Variants in CAMKMT observed in about 807,000 individuals in gnomAD.
CAMKMT encodes CaM KMT.
In CAMKMT, 53 loss-of-function variants were observed where a neutral mutation model predicts 48.0. That is an observed-to-expected ratio of 1.10 (90% CI 0.89 to 1.39). The LOEUF (loss-of-function observed/expected upper bound fraction) is 1.39, where lower values mean the gene tolerates loss of function less well. Ranked by LOEUF, CAMKMT falls within the 40% of genes most tolerant of loss-of-function variation. The pLI, the probability that CAMKMT is intolerant of heterozygous loss-of-function variation, is 0.00. For synonymous variants in CAMKMT, 165 were observed against 152.3 expected (o/e 1.08, Z -0.61); for missense variants, 428 against 402.7 (o/e 1.06, Z -0.54).
Position 44,715,178 on chromosome 2 carries a change from G to A in CAMKMT, c.557-109G>A, listed in dbSNP as rs558436296. On this transcript the variant is annotated intron_variant, in intron 6 of 10. Transcript: ENST00000378494. ...ACTGCACTCCAGCCTGGGCAACAGA[G>A]CGAGACCCTGTCTCAAAAAAAAAAA... 1.1e-3 allele frequency: 763 copies of A among 676,008 alleles called. 2 individuals are homozygous for A. In the African/African-American group the frequency reaches 0.013, roughly 11 times the overall value. The allele number at this position is 676,008 out of a possible 1,614,324, so 41.9% of individuals were successfully genotyped here.
At chr2:44,700,689 A>G (rs1281422791) in intron 3 of CAMKMT, among the ~76,000 whole-genome samples, 2 of 152,200 alleles carry the variant, frequency 1.3e-5, no homozygotes, top group Admixed American at 1.3e-4. Flanking sequence ...CCATAGTAAC[A>G]TCAAAGGTCA....
At chr2:44,382,757 G>T (rs1023834792) in intron 2 of CAMKMT, among the ~76,000 whole-genome samples, 11 of 152,204 alleles carry the variant, frequency 7.2e-5, no homozygotes, top group Non-Finnish European at 1.5e-4. Flanking sequence ...GGGATTACAG[G>T]CGTGAGCCAC....
intron 3 of CAMKMT, among the ~76,000 whole-genome samples, chr2:44,667,707 C>G (rs1005701322): frequency 6.6e-6 from 1 of 152,188 alleles, no homozygotes; most frequent in African/African-American, 2.4e-5. Context: ...AATAACCACA[C>G]CACCTCTGAA....
At chr2:44,507,444 A>G (rs1319428549) in intron 3 of CAMKMT, among the ~76,000 whole-genome samples, 1 of 152,190 alleles carries the variant, frequency 6.6e-6, no homozygotes, top group Non-Finnish European at 1.5e-5. Flanking sequence ...ACTGCAAAAA[A>G]GCACTGAACC....
chr2:44,432,701 T>C (rs6732357), intron 3 of CAMKMT, among the ~76,000 whole-genome samples: 8,337 of 152,242 alleles, frequency 0.055, 280 homozygotes, highest in South Asian at 0.13. Context: ...TCACTTAGAC[T>C]AACATAACAA....
chr2:44,724,537 A>C (rs1195783959), intron 7 of CAMKMT, among the ~76,000 whole-genome samples: 2 of 152,340 alleles, frequency 1.3e-5, no homozygotes, highest in South Asian at 4.1e-4. Flanking sequence ...AGCACAGAGC[A>C]TGCTTCGAGA....
intron 9 of CAMKMT, among the ~76,000 whole-genome samples, chr2:44,759,113 T>C (rs1373157065): frequency 6.6e-6 from 1 of 152,158 alleles, no homozygotes; most frequent in Non-Finnish European, 1.5e-5. Flanking sequence ...TCATAAACTC[T>C]CATATTATAA....
intron 10 of CAMKMT, among the ~76,000 whole-genome samples, chr2:44,770,505 T>A (rs961036508): frequency 6.6e-6 from 1 of 152,248 alleles, no homozygotes; most frequent in Non-Finnish European, 1.5e-5. Context: ...TAGTGCATTG[T>A]GAGTGAGTAG....
chr2:44,401,552 CAA>C (rs1004017859), intron 3 of CAMKMT, among the ~76,000 whole-genome samples: 1 of 138,916 alleles, frequency 7.2e-6, no homozygotes, highest in Admixed American at 7.2e-5. Flanking sequence ...GACTCTGTCT[CAA>C]AAAAAAAAAT....
intron 3 of CAMKMT, among the ~76,000 whole-genome samples, chr2:44,398,729 A>C (rs1426254278): frequency 1.1e-5 from 1 of 89,908 alleles, no homozygotes; most frequent in East Asian, 2.1e-4. Context: ...GAGCTCAACT[A>C]AAAGGATGTT....
intron 3 of CAMKMT, among the ~76,000 whole-genome samples, chr2:44,531,762 A>G (rs921437712): frequency 6.6e-6 from 1 of 152,146 alleles, no homozygotes; most frequent in African/African-American, 2.4e-5. Flanking sequence ...GAATCTCATG[A>G]TATTACACTT....
At chr2:44,582,922 T>C (rs2123941) in intron 3 of CAMKMT, among the ~76,000 whole-genome samples, 25,594 of 152,106 alleles carry the variant, frequency 0.17, 2,448 homozygotes, top group African/African-American at 0.24. Flanking sequence ...TGTGTGTATA[T>C]TCCTTTCCTT....
At chr2:44,756,886 A>C (rs1680406302) in intron 9 of CAMKMT, among the ~76,000 whole-genome samples, 2 of 152,228 alleles carry the variant, frequency 1.3e-5, no homozygotes, top group African/African-American at 4.8e-5. Context: ...CTGCACTTCC[A>C]GCAAATGCTT....
chr2:44,511,573 GC>G (rs1255661949), intron 3 of CAMKMT, among the ~76,000 whole-genome samples: 1 of 152,222 alleles, frequency 6.6e-6, no homozygotes, highest in Non-Finnish European at 1.5e-5. Flanking sequence ...ACAGATATGA[GC>G]CACCACGCCT....
chr2:44,484,965 G>T (rs1669146990), intron 3 of CAMKMT, among the ~76,000 whole-genome samples: 1 of 152,012 alleles, frequency 6.6e-6, no homozygotes, highest in Non-Finnish European at 1.5e-5. Context: ...AACAGAAAAA[G>T]ATACTAAACC....
At chr2:44,580,818 CTAGCATTG>C (rs1290339773) in intron 3 of CAMKMT, among the ~76,000 whole-genome samples, 1 of 152,208 alleles carries the variant, frequency 6.6e-6, no homozygotes, top group Non-Finnish European at 1.5e-5. Flanking sequence ...CGCTTATTTG[CTAGCATTG>C]ATCTGCCCCG....
chr2:44,694,991 C>A (rs192381366), intron 3 of CAMKMT, among the ~76,000 whole-genome samples: 5 of 152,228 alleles, frequency 3.3e-5, no homozygotes, highest in Admixed American at 2.6e-4. Context: ...ACGTTTATAA[C>A]GTGTTTAGAG....
intron 3 of CAMKMT, among the ~76,000 whole-genome samples, chr2:44,555,503 G>A (rs1667958824): frequency 6.6e-6 from 1 of 152,178 alleles, no homozygotes; most frequent in African/African-American, 2.4e-5. Flanking sequence ...GAGCCTGTGG[G>A]ACAGTTAGAA....
chr2:44,618,862 A>G lies in CAMKMT; in HGVS notation c.377-85421A>G, dbSNP rs191390696. Among the ~76,000 whole-genome samples, 2 of 152,330 alleles carry G rather than the reference A, an allele frequency of 1.3e-5. No individual in the cohort carries two copies. The highest frequency in any genetic ancestry group is 4.8e-5 in the African/African-American group (2 of 41,578). ...AACTACCTTTTATTCTATTTCATGT[A>G]TAATTGATGACAATGTTTCATGTAA... On this transcript the variant is annotated intron_variant, in intron 3 of 10. Coordinates refer to ENST00000378494, the MANE Select transcript of CAMKMT (RefSeq NM_024766.5). This position sits in a 1 kb window ranked among gnomAD's most constrained non-coding sequence, Gnocchi z 4.0.
Sources: gnomAD v4.1 joint callset for allele counts (sites outside exome capture counted in the v4.1 genomes callset) on GRCh38, gnomAD v4.1.1 for gene constraint, Gnocchi (gnomAD v3.1) non-coding constraint, MANE v1.5 for transcripts, NCBI Gene and HGNC (gene_info 2026-07-23, HGNC 2026-07-21) for gene names.